The following CD38 variants were observed in gnomAD, a reference collection of about 807,000 sequenced individuals.
CD38 encodes ADP-ribosyl cyclase/cyclic ADP-ribose hydrolase 1.
A neutral mutation model predicts 36.3 loss-of-function variants in CD38; 31 were observed. The ratio of observed to expected loss-of-function variants is 0.85; its 90% CI spans 0.64 to 1.15. The LOEUF (loss-of-function observed/expected upper bound fraction) is 1.15, where lower values mean the gene tolerates loss of function less well. CD38 is among the 50% of genes most tolerant of loss of function. The pLI is 0.00. For missense variants in CD38, 380 were observed against 371.9 expected (o/e 1.02, Z -0.18); for synonymous variants, 131 against 135.2 (o/e 0.97, Z 0.22).
At chr4:15,815,104 C>T (rs1278200176) in intron 1 of CD38, among the ~76,000 whole-genome samples, 1 of 152,034 alleles carries the variant, frequency 6.6e-6, no homozygotes, top group Non-Finnish European at 1.5e-5. Flanking sequence ...CGTGCCCGGC[C>T]AAGGTCTCCG....
chr4:15,809,126 C>G lies in CD38; in HGVS notation c.234-7385C>G, dbSNP rs181593997. On this transcript the variant is annotated intron_variant, in intron 1 of 7. Coordinates refer to ENST00000226279, the MANE Select transcript of CD38 (RefSeq NM_001775.4). ...TGTAAAACACTTAGCCAGATGGCTG[C>G]GTGAAGAAAGCACTTGGTAAATGCT... is the stretch of plus-strand genomic sequence containing the variant. 3.0e-3 allele frequency among the ~76,000 whole-genome samples: 450 copies of G among 152,242 alleles called. 5 individuals are homozygous for G. The highest frequency in any genetic ancestry group is 0.01 in the African/African-American group (432 of 41,544).
intron 3 of CD38, among the ~76,000 whole-genome samples, chr4:15,829,148 C>A (rs1437442643): frequency 6.6e-6 from 1 of 151,910 alleles, no homozygotes; most frequent in Admixed American, 6.6e-5. Flanking sequence ...GTCCTTTGCC[C>A]ACCTTTAAAT....
Position 15,822,787 on chromosome 4 carries a change from C to A in CD38, c.364-2094C>A, listed in dbSNP as rs1481427455. Among the ~76,000 whole-genome samples the A allele has an allele frequency of 4.6e-5, 7 of 152,230 alleles. No individual in the cohort carries two copies. In the East Asian group the frequency reaches 1.3e-3, roughly 29 times the overall value. On this transcript the variant is annotated intron_variant, in intron 2 of 7. Coordinates refer to ENST00000226279, the MANE Select transcript of CD38 (RefSeq NM_001775.4). ...GGTAATTTATAGATTCAGTGCTATT[C>A]CCATTAAACTACTATTGACATTCTT... is the stretch of plus-strand genomic sequence containing the variant.
In CD38 at chr4:15,778,356, C is replaced by A; in HGVS notation, c.-59C>A. Reference sequence around the variant, plus strand: ...GTTTCAGAACCCAGCCAGCCTCTCTCTTGCTGCCTAGCCTCCTGCCGGCCT... The same window carrying A: ...GTTTCAGAACCCAGCCAGCCTCTCTATTGCTGCCTAGCCTCCTGCCGGCCT... On this transcript the variant is annotated 5_prime_UTR_variant, in exon 1 of 8. Transcript: ENST00000226279. This position sits in a 1 kb window ranked among gnomAD's most constrained non-coding sequence, Gnocchi z 4.9. 1 of 1,165,520 alleles carries A rather than the reference C, an allele frequency of 8.6e-7. No individual in the cohort carries two copies. Among genetic ancestry groups the A allele is most frequent in the South Asian group, 1.2e-5 (1 of 81,752 alleles). The allele number at this position is 1,165,520 out of a possible 1,614,324, so 72.2% of individuals were successfully genotyped here.
intron 7 of CD38, 122 bp from the exon 8 acceptor site, chr4:15,848,417 T>G: frequency 1.6e-6 from 1 of 628,434 alleles, no homozygotes; most frequent in South Asian, 2.0e-5. Flanking sequence ...GAGGAGTTTA[T>G]ATGGATGCTA....
At chr4:15,811,360 A>G (rs1723465311) in intron 1 of CD38, among the ~76,000 whole-genome samples, 1 of 152,096 alleles carries the variant, frequency 6.6e-6, no homozygotes, top group Admixed American at 6.5e-5. Context: ...GGTTATGACA[A>G]TTTTTTATTC....
chr4:15,804,170 T>C (rs901549908), intron 1 of CD38, among the ~76,000 whole-genome samples: 1 of 152,198 alleles, frequency 6.6e-6, no homozygotes, highest in African/African-American at 2.4e-5. Context: ...GTGGGCCATA[T>C]ACCCAGTAGT....
intron 1 of CD38, among the ~76,000 whole-genome samples, chr4:15,789,732 G>T (rs1433676806): frequency 6.6e-6 from 1 of 151,978 alleles, no homozygotes; most frequent in Non-Finnish European, 1.5e-5. Context: ...GAATGAAATG[G>T]CAGGCTTTAC....
intron 5 of CD38, among the ~76,000 whole-genome samples, chr4:15,839,629 T>C (rs1724158670): frequency 6.6e-6 from 1 of 151,806 alleles, no homozygotes; most frequent in Admixed American, 6.6e-5. Flanking sequence ...TTCATAGTGT[T>C]AGCCAGGATG....
At chr4:15,795,829 GC>G (rs1324821407) in intron 1 of CD38, among the ~76,000 whole-genome samples, 1 of 152,098 alleles carries the variant, frequency 6.6e-6, no homozygotes, top group East Asian at 1.9e-4. Flanking sequence ...ATGTTTTGAA[GC>G]AATTAGCAAA....
intron 3 of CD38, among the ~76,000 whole-genome samples, chr4:15,828,831 C>T (rs1723902316): frequency 6.6e-6 from 1 of 152,044 alleles, no homozygotes; most frequent in South Asian, 2.1e-4. Context: ...TGGGTAAATA[C>T]CTAGAAGTGG....
At chr4:15,833,556 A>C (rs1724002064) in intron 3 of CD38, among the ~76,000 whole-genome samples, 1 of 152,212 alleles carries the variant, frequency 6.6e-6, no homozygotes, top group Non-Finnish European at 1.5e-5. Flanking sequence ...TTTAATCATT[A>C]CAAGACTCCT....
chr4:15,804,985 G>A (rs575222560), intron 1 of CD38, among the ~76,000 whole-genome samples: 6 of 151,992 alleles, frequency 3.9e-5, no homozygotes, highest in African/African-American at 1.5e-4. Flanking sequence ...ACACAGATTC[G>A]ATCATTATGC....
intron 1 of CD38, among the ~76,000 whole-genome samples, chr4:15,807,129 G>A (rs1031250072): frequency 3.3e-5 from 5 of 152,162 alleles, no homozygotes; most frequent in African/African-American, 1.2e-4. Flanking sequence ...GGGTGGGGCA[G>A]GTTTTATCCG....
Position 15,791,867 on chromosome 4 carries a change from G to A in CD38, c.233+13220G>A, listed in dbSNP as rs1312985454. On this transcript the variant is annotated intron_variant, in intron 1 of 7. Coordinates refer to ENST00000226279, the MANE Select transcript of CD38 (RefSeq NM_001775.4). The stretch of plus-strand genomic sequence containing the variant: ...AGGTGAGGGGCGCCTCTGCCCGGCC[G>A]CCCCTACTGGGAAGTGAGGAGCCCC... Among the ~76,000 whole-genome samples, 4 of 91,352 alleles carry A rather than the reference G, an allele frequency of 4.4e-5. 1 individual carries two copies. Among genetic ancestry groups the A allele is most frequent in the Admixed American group, 8.4e-5 (1 of 11,880 alleles). The allele number at this position is 91,352 out of a possible 152,430, so 59.9% of individuals were successfully genotyped here. A position where few individuals can be genotyped will look rare whatever the true frequency, so the allele number is the denominator to read the frequency against.
chr4:15,799,376 A>G (rs980600615), intron 1 of CD38, among the ~76,000 whole-genome samples: 2 of 152,214 alleles, frequency 1.3e-5, no homozygotes, highest in Non-Finnish European at 2.9e-5. Flanking sequence ...GTTTGTCGCT[A>G]TACCACTGCC....
chr4:15,789,668 C>T (rs914017142), intron 1 of CD38, among the ~76,000 whole-genome samples: 1 of 152,032 alleles, frequency 6.6e-6, no homozygotes, highest in Non-Finnish European at 1.5e-5. Flanking sequence ...TTAATCCATT[C>T]ATGGATTACT....
chr4:15,792,479 A>AAAAGC (rs1277434198), intron 1 of CD38, among the ~76,000 whole-genome samples: 2 of 151,590 alleles, frequency 1.3e-5, no homozygotes, highest in Non-Finnish European at 2.9e-5. Context: ...AAAAGAAAAG[A>AAAAGC]AAAGCAGCAA....
intron 1 of CD38, among the ~76,000 whole-genome samples, chr4:15,788,395 G>A (rs998493361): frequency 1.1e-4 from 16 of 151,970 alleles, no homozygotes; most frequent in South Asian, 1.0e-3. Context: ...CACGTTATCC[G>A]CCCCCAGGAA....
Sources: allele counts gnomAD v4.1 joint callset (sites outside exome capture counted in the v4.1 genomes callset), GRCh38; gene constraint gnomAD v4.1.1; non-coding constraint Gnocchi (gnomAD v3.1); transcripts MANE v1.5; gene names NCBI Gene and HGNC (gene_info 2026-07-23, HGNC 2026-07-21).